FGD6: variants seen among roughly 807,000 people sequenced by gnomAD.
The protein encoded by FGD6 is FYVE, RhoGEF and PH domain-containing protein 6.
Under a neutral mutation model 149.4 loss-of-function variants are expected in FGD6, and 90 were observed. The ratio of observed to expected loss-of-function variants is 0.60; its 90% CI spans 0.51 to 0.72. The LOEUF (loss-of-function observed/expected upper bound fraction) is 0.72, where lower values mean the gene tolerates loss of function less well. Among genes scored for constraint, FGD6 ranks in the 30% least tolerant of loss-of-function variants. The probability of loss-of-function intolerance (pLI) is 0.00; values close to 1 mark genes in which losing one functional copy is unlikely to be tolerated. For synonymous variants in FGD6, 527 were observed against 584.0 expected (o/e 0.90, Z 1.41); for missense variants, 1,437 against 1,684.8 (o/e 0.85, Z 2.57).
intron 14 of FGD6, among the ~76,000 whole-genome samples, chr12:95,102,461 A>AAAAAC (rs1878479850): frequency 2.6e-5 from 4 of 151,258 alleles, no homozygotes. Context: ...AAAAAAAAAA[A>AAAAAC]AAAAAACACA....
At chr12:95,132,608 T>G (rs1879553975) in intron 8 of FGD6, among the ~76,000 whole-genome samples, 2 of 151,834 alleles carry the variant, frequency 1.3e-5, no homozygotes, top group South Asian at 4.2e-4. Context: ...AAAAATTAGC[T>G]GGGCGTGGTG....
intron 8 of FGD6, 121 bp from the exon 9 acceptor site, chr12:95,113,822 C>G: frequency 1.9e-6 from 1 of 539,168 alleles, no homozygotes; most frequent in Non-Finnish European, 3.2e-6. Context: ...CCAACTTGTG[C>G]TAACTTTCTA....
intron 2 of FGD6, among the ~76,000 whole-genome samples, chr12:95,198,281 A>G (rs1223935278): frequency 6.6e-6 from 1 of 152,224 alleles, no homozygotes; most frequent in African/African-American, 2.4e-5. Flanking sequence ...TGTGCCCTTG[A>G]GCAAGTTATT....
intron 1 of FGD6, among the ~76,000 whole-genome samples, chr12:95,212,751 T>C (rs2056733788): frequency 6.6e-6 from 1 of 152,154 alleles, no homozygotes; most frequent in South Asian, 2.1e-4. Context: ...TGACTTACTT[T>C]TGAACAAAGG....
intron 3 of FGD6, among the ~76,000 whole-genome samples, chr12:95,160,825 T>C (rs531137066): frequency 9.2e-5 from 14 of 151,476 alleles, no homozygotes; most frequent in South Asian, 2.1e-4. Flanking sequence ...GATCATGCCA[T>C]TGCACTCCAG....
intron 9 of FGD6, among the ~76,000 whole-genome samples, chr12:95,111,943 A>G (rs1878837550): frequency 6.6e-6 from 1 of 151,994 alleles, no homozygotes; most frequent in Admixed American, 6.6e-5. Flanking sequence ...ATATACAAGA[A>G]TGTGATCAGG....
intron 13 of FGD6, among the ~76,000 whole-genome samples, chr12:95,106,293 A>T (rs11609009): frequency 0.63 from 92,038 of 145,058 alleles, 29,273 homozygotes; most frequent in East Asian, 0.68. Flanking sequence ...TTTTTTGAGA[A>T]GGAGTCTCAC....
At chr12:95,182,178 C>T (rs1003332068) in intron 2 of FGD6, among the ~76,000 whole-genome samples, 4 of 93,254 alleles carry the variant, frequency 4.3e-5, no homozygotes, top group Admixed American at 1.2e-4. Flanking sequence ...GAGAATACTT[C>T]ACAGTTGCAT....
At chr12:95,082,487 G>A (rs1592821607) in intron 20 of FGD6, among the ~76,000 whole-genome samples, 1 of 151,820 alleles carries the variant, frequency 6.6e-6, no homozygotes, top group Admixed American at 6.6e-5. Flanking sequence ...GTGAAACCCT[G>A]TCTCTACTAA....
chr12:95,119,834 C>T (rs1159117674), intron 8 of FGD6, among the ~76,000 whole-genome samples: 1 of 152,172 alleles, frequency 6.6e-6, no homozygotes. Flanking sequence ...GCAGGAGGAT[C>T]GCTTGAACCC....
At chr12:95,174,985 G>GGT (rs1881094317) in intron 2 of FGD6, among the ~76,000 whole-genome samples, 1 of 150,030 alleles carries the variant, frequency 6.7e-6, no homozygotes, top group South Asian at 2.1e-4. Flanking sequence ...AGGGGTGAAA[G>GGT]GTGTTTCTTG....
At chr12:95,100,516 G>GCTGCCATCCACAAGGCTCCCAACT (rs1878390075) in intron 14 of FGD6, 2 of 357,250 alleles carry the variant, frequency 5.6e-6, no homozygotes, top group Non-Finnish European at 1.1e-5. Flanking sequence ...TGTCACTACT[G>GCTGCCATCCACAAGGCTCCCAACT]CTGCCATCCA....
intron 9 of FGD6, among the ~76,000 whole-genome samples, chr12:95,113,231 CTT>C (rs11343496): frequency 1.4e-3 from 148 of 109,604 alleles, no homozygotes; most frequent in Non-Finnish European, 1.6e-3. Flanking sequence ...GGCCTCAAGT[CTT>C]TTTTTTTTTT....
chr12:95,187,648 TC>T (rs200476464), intron 2 of FGD6, among the ~76,000 whole-genome samples: 2 of 126,478 alleles, frequency 1.6e-5, no homozygotes, highest in African/African-American at 6.4e-5. Flanking sequence ...CGAGGCTGCG[TC>T]CCCAAAAAAA....
intron 2 of FGD6, among the ~76,000 whole-genome samples, chr12:95,204,087 G>A (rs2056680125): frequency 6.6e-6 from 1 of 152,292 alleles, no homozygotes; most frequent in South Asian, 2.1e-4. Context: ...TCAAGGAAGA[G>A]GTCTCATAAC....
chr12:95,145,280 T>C (rs569362851), intron 5 of FGD6, among the ~76,000 whole-genome samples: 10 of 152,274 alleles, frequency 6.6e-5, no homozygotes, highest in South Asian at 6.2e-4. Flanking sequence ...TGAGCCATTG[T>C]GTCCAACCAG....
At chr12:95,171,395 C>T (rs1374000394) in intron 3 of FGD6, among the ~76,000 whole-genome samples, 1 of 152,148 alleles carries the variant, frequency 6.6e-6, no homozygotes, top group African/African-American at 2.4e-5. Context: ...TGTAACATTC[C>T]TGGGGATATT....
chr12:95,118,736 T>C (rs534122472), intron 8 of FGD6, among the ~76,000 whole-genome samples: 20 of 152,322 alleles, frequency 1.3e-4, no homozygotes, highest in Non-Finnish European at 2.5e-4. Context: ...TCCATAAATA[T>C]GTAGTGGGAT....
intron 3 of FGD6, among the ~76,000 whole-genome samples, chr12:95,157,182 C>T (rs1378030942): frequency 6.6e-6 from 1 of 152,168 alleles, no homozygotes; most frequent in Non-Finnish European, 1.5e-5. Flanking sequence ...ACTAATCTTA[C>T]AGTTTGTGTA....
Sources: gnomAD v4.1 joint callset for allele counts (sites outside exome capture counted in the v4.1 genomes callset) on GRCh38, gnomAD v4.1.1 for gene constraint, MANE v1.5 for transcripts, NCBI Gene and HGNC (gene_info 2026-07-23, HGNC 2026-07-21) for gene names.